Variants in CDK17 observed in about 807,000 individuals in gnomAD.
CDK17 encodes cyclin dependent kinase 17.
CDK17 carries 24 observed loss-of-function variants against 77.6 expected under a neutral mutation model. The ratio of observed to expected loss-of-function variants is 0.31; its 90% confidence interval spans 0.22 to 0.44. The LOEUF (loss-of-function observed/expected upper bound fraction) is 0.44, where lower values mean the gene tolerates loss of function less well. Among genes scored for constraint, CDK17 ranks in the 20% least tolerant of loss-of-function variants. The probability of loss-of-function intolerance (pLI) is 1.00; values close to 1 mark genes in which losing one functional copy is unlikely to be tolerated. For missense variants in CDK17, 429 were observed against 622.5 expected (o/e 0.69, Z 3.31); for synonymous variants, 203 against 210.4 (o/e 0.96, Z 0.30).
intron 9 of CDK17, 73 bp from the exon 10 acceptor site, chr12:96,295,195 G>C: frequency 1.7e-6 from 2 of 1,178,098 alleles, no homozygotes; most frequent in Non-Finnish European, 2.4e-6. Flanking sequence ...ATGATGGTAA[G>C]CAGAAAAGCA....
intron 2 of CDK17, among the ~76,000 whole-genome samples, chr12:96,324,881 G>A (rs1952873085): frequency 6.6e-6 from 1 of 152,086 alleles, no homozygotes; most frequent in Admixed American, 6.6e-5. Context: ...GTCAATTAGT[G>A]AATAAAACCG....
At chr12:96,331,356 T>C (rs1243590228) in intron 2 of CDK17, among the ~76,000 whole-genome samples, 1 of 152,214 alleles carries the variant, frequency 6.6e-6, no homozygotes, top group East Asian at 1.9e-4. Flanking sequence ...AAATATTTTG[T>C]ACATTTCAGT....
chr12:96,390,153 AT>A (rs199749035), intron 1 of CDK17, among the ~76,000 whole-genome samples: 40,860 of 129,120 alleles, frequency 0.32, 6,048 homozygotes, highest in East Asian at 0.56. Flanking sequence ...TTAAAACTCA[AT>A]TTTTTTTTTT....
chr12:96,353,318 T>C (rs1953340673), intron 1 of CDK17, among the ~76,000 whole-genome samples: 1 of 152,238 alleles, frequency 6.6e-6, no homozygotes, highest in Admixed American at 6.5e-5. Flanking sequence ...GTCATCTTTC[T>C]AAATGGATGT....
At chr12:96,328,806 G>A (rs558380073) in intron 2 of CDK17, among the ~76,000 whole-genome samples, 155 of 152,226 alleles carry the variant, frequency 1.0e-3, no homozygotes, top group Non-Finnish European at 1.6e-3. Flanking sequence ...CTTAGGAGTA[G>A]TCAACATATA....
At chr12:96,352,751 A>T (rs1285603879) in intron 1 of CDK17, among the ~76,000 whole-genome samples, 1 of 152,242 alleles carries the variant, frequency 6.6e-6, no homozygotes, top group African/African-American at 2.4e-5. Flanking sequence ...GAGACCAAGA[A>T]ACAGAAAAAT....
intron 2 of CDK17, among the ~76,000 whole-genome samples, chr12:96,326,887 A>G (rs1952898163): frequency 6.6e-6 from 1 of 152,218 alleles, no homozygotes. Flanking sequence ...TCACCATAAA[A>G]GTTTGAATTT....
chr12:96,368,653 T>G (rs1447412492), intron 1 of CDK17, among the ~76,000 whole-genome samples: 1 of 152,014 alleles, frequency 6.6e-6, no homozygotes, highest in Non-Finnish European at 1.5e-5. Context: ...ATATTCCAAT[T>G]GTTGAAGTGT....
chr12:96,338,057 A>C (rs931887223), intron 1 of CDK17, among the ~76,000 whole-genome samples: 1 of 152,218 alleles, frequency 6.6e-6, no homozygotes, highest in East Asian at 1.9e-4. Context: ...GCTCTGGCCC[A>C]CACTATATCA....
At chr12:96,286,816 C>T (rs1029864797) in intron 11 of CDK17, 55 bp from the exon 12 acceptor site, 2 of 1,436,372 alleles carry the variant, frequency 1.4e-6, no homozygotes, top group Non-Finnish European at 1.9e-6. Context: ...TTATGAAGCA[C>T]AAGAATCTTT....
chr12:96,356,366 G>A (rs1162808165), intron 1 of CDK17, among the ~76,000 whole-genome samples: 1 of 152,152 alleles, frequency 6.6e-6, no homozygotes, highest in Non-Finnish European at 1.5e-5. Flanking sequence ...CGGGATCATG[G>A]CTCACTGAAG....
chr12:96,288,427 G>A (rs1319555265), intron 11 of CDK17, among the ~76,000 whole-genome samples: 3 of 152,118 alleles, frequency 2.0e-5, no homozygotes, highest in Non-Finnish European at 4.4e-5. Context: ...TTAGAGCACC[G>A]GAGTGGGCAT....
At chr12:96,299,022 A>G (rs200171854) in intron 6 of CDK17, 39 bp from the exon 7 acceptor site, 18 of 989,896 alleles carry the variant, frequency 1.8e-5, no homozygotes, top group African/African-American at 8.2e-5. Flanking sequence ...CAAAAGTATC[A>G]TAAGAGTCTA....
At chr12:96,349,132 G>C (rs1592745896) in intron 1 of CDK17, among the ~76,000 whole-genome samples, 1 of 152,182 alleles carries the variant, frequency 6.6e-6, no homozygotes, top group African/African-American at 2.4e-5. Context: ...TTTGTCTCAA[G>C]AATGCGACGG....
chr12:96,387,882 G>A (rs758952999), intron 1 of CDK17, among the ~76,000 whole-genome samples: 4 of 152,102 alleles, frequency 2.6e-5, no homozygotes, highest in Non-Finnish European at 5.9e-5. Flanking sequence ...GGTTGAGGAT[G>A]CAACGAGCTG....
chr12:96,367,939 T>C (rs1254131877), intron 1 of CDK17, among the ~76,000 whole-genome samples: 1 of 151,424 alleles, frequency 6.6e-6, no homozygotes, highest in Admixed American at 6.6e-5. Context: ...AAAGAAAGCA[T>C]GCATTTAAAA....
At chr12:96,339,844 T>C (rs554837495) in intron 1 of CDK17, among the ~76,000 whole-genome samples, 1 of 152,078 alleles carries the variant, frequency 6.6e-6, no homozygotes, top group South Asian at 2.1e-4. Context: ...TAAGAATCAC[T>C]TGATCCCAGG....
intron 1 of CDK17, among the ~76,000 whole-genome samples, chr12:96,358,595 G>C (rs1215081294): frequency 2.0e-5 from 3 of 152,084 alleles, no homozygotes. Context: ...GCTGAGGCAG[G>C]TGGATCACCT....
intron 9 of CDK17, among the ~76,000 whole-genome samples, chr12:96,295,992 C>T (rs1788059728): frequency 6.6e-6 from 1 of 152,154 alleles, no homozygotes; most frequent in Non-Finnish European, 1.5e-5. Flanking sequence ...GCAGCCAAGG[C>T]AGCAGGTCAA....
Sources: allele counts gnomAD v4.1 joint callset (sites outside exome capture counted in the v4.1 genomes callset), GRCh38; gene constraint gnomAD v4.1.1; transcripts MANE v1.5; gene names NCBI Gene and HGNC (gene_info 2026-07-23, HGNC 2026-07-21).